WWOX: variants seen among roughly 807,000 people sequenced by gnomAD.
WWOX encodes WW domain-containing oxidoreductase.
Under a neutral mutation model 46.2 loss-of-function variants are expected in WWOX, and 69 were observed. That is an observed-to-expected ratio of 1.49 (90% confidence interval 1.23 to 1.82). WWOX has a LOEUF of 1.82. Among genes scored for constraint, WWOX ranks in the 40% most tolerant of loss-of-function variants. The pLI, the probability that WWOX is intolerant of heterozygous loss-of-function variation, is 0.00. For missense variants in WWOX, 919 were observed against 542.6 expected (o/e 1.69, Z -6.89); for synonymous variants, 359 against 202.6 (o/e 1.77, Z -6.56).
intron 8 of WWOX, among the ~76,000 whole-genome samples, chr16:78,469,650 G>A (rs1016810103): frequency 3.3e-5 from 5 of 152,190 alleles, no homozygotes; most frequent in African/African-American, 7.2e-5. Context: ...TCTGAGTACC[G>A]CGCAGATAGT....
chr16:78,128,792 A>C (rs192123670), intron 4 of WWOX, among the ~76,000 whole-genome samples: 1 of 152,226 alleles, frequency 6.6e-6, no homozygotes, highest in South Asian at 2.1e-4. Context: ...ATGTCTTCCA[A>C]CTGCCTTTGA....
At chr16:79,129,449 A>G (rs1307003379) in intron 8 of WWOX, among the ~76,000 whole-genome samples, 1 of 150,272 alleles carries the variant, frequency 6.7e-6, no homozygotes, top group Non-Finnish European at 1.5e-5. Context: ...TAAAATGTGT[A>G]AAAAGTTTAT....
intron 8 of WWOX, among the ~76,000 whole-genome samples, chr16:79,024,176 G>A (rs1003728825): frequency 3.9e-5 from 6 of 152,162 alleles, no homozygotes; most frequent in Admixed American, 1.3e-4. Flanking sequence ...GAATTAGATC[G>A]TGTTGATGGT....
intron 8 of WWOX, among the ~76,000 whole-genome samples, chr16:78,809,358 A>G (rs2051130013): frequency 6.6e-6 from 1 of 151,836 alleles, no homozygotes; most frequent in Non-Finnish European, 1.5e-5. Context: ...TTCTAGGAAG[A>G]AAAAAGCATT....
At chr16:78,652,201 AGAGATC>A (rs2046980736) in intron 8 of WWOX, among the ~76,000 whole-genome samples, 2 of 151,784 alleles carry the variant, frequency 1.3e-5, no homozygotes, top group Admixed American at 1.3e-4. Context: ...CACGAGGTCA[AGAGATC>A]GAGACCATCC....
At chr16:78,992,272 A>G (rs917831513) in intron 8 of WWOX, among the ~76,000 whole-genome samples, 3 of 150,568 alleles carry the variant, frequency 2.0e-5, no homozygotes, top group Non-Finnish European at 4.4e-5. Flanking sequence ...ATCTGCCTGT[A>G]CAGTGTTCTG....
chr16:78,608,746 G>A (rs1408553716), intron 8 of WWOX, among the ~76,000 whole-genome samples: 1 of 152,196 alleles, frequency 6.6e-6, no homozygotes, highest in Non-Finnish European at 1.5e-5. Flanking sequence ...GAGTACTGCG[G>A]ACCCAGGACA....
intron 8 of WWOX, among the ~76,000 whole-genome samples, chr16:78,436,946 C>T (rs182516608): frequency 5.9e-5 from 9 of 152,186 alleles, no homozygotes; most frequent in South Asian, 4.1e-4. Flanking sequence ...CCATTTCTTC[C>T]GTAGGTAAAG....
At chr16:78,826,844 TG>T (rs2151151789) in intron 8 of WWOX, among the ~76,000 whole-genome samples, 1 of 152,318 alleles carries the variant, frequency 6.6e-6, no homozygotes, top group South Asian at 2.1e-4. Context: ...GTGACAATTC[TG>T]GATTTACTTA....
chr16:79,070,667 A>T (rs1416701148), intron 8 of WWOX, among the ~76,000 whole-genome samples: 1 of 152,190 alleles, frequency 6.6e-6, no homozygotes, highest in Non-Finnish European at 1.5e-5. Context: ...TATGCGAGAG[A>T]TGTCAACAAT....
chr16:79,009,603 A>G (rs2047262884), intron 8 of WWOX, among the ~76,000 whole-genome samples: 1 of 151,962 alleles, frequency 6.6e-6, no homozygotes, highest in Non-Finnish European at 1.5e-5. Flanking sequence ...GGCACATGCC[A>G]CCACACCTGA....
intron 4 of WWOX, chr16:78,123,416 GT>G (rs1250222138): frequency 4.5e-5 from 4 of 88,232 alleles, no homozygotes; most frequent in Admixed American, 2.3e-4. Context: ...GTGACCCTAT[GT>G]TTTTTTCTTT....
intron 8 of WWOX, among the ~76,000 whole-genome samples, chr16:78,654,946 C>T (rs936187818): frequency 4.6e-5 from 7 of 152,054 alleles, no homozygotes; most frequent in Non-Finnish European, 2.9e-5. Flanking sequence ...ATTAATTAAA[C>T]ATTGATCATC....
intron 8 of WWOX, among the ~76,000 whole-genome samples, chr16:78,902,228 A>G (rs1366249788): frequency 2.0e-5 from 3 of 152,146 alleles, no homozygotes; most frequent in Non-Finnish European, 2.9e-5. Flanking sequence ...AGTGTCAACA[A>G]CTTAGCCTGG....
At chr16:79,093,696 C>G (rs1457134743) in intron 8 of WWOX, among the ~76,000 whole-genome samples, 2 of 152,144 alleles carry the variant, frequency 1.3e-5, no homozygotes, top group African/African-American at 2.4e-5. Flanking sequence ...GTGCTTCAGC[C>G]TTTTTGGTAA....
At chr16:78,194,069 G>A (rs1295188571) in intron 5 of WWOX, among the ~76,000 whole-genome samples, 1 of 145,776 alleles carries the variant, frequency 6.9e-6, no homozygotes, top group Non-Finnish European at 1.5e-5. Flanking sequence ...TGGTAGAGAC[G>A]GGGTTTCACT....
At chr16:78,761,728 C>G (rs1236305710) in intron 8 of WWOX, among the ~76,000 whole-genome samples, 1 of 152,202 alleles carries the variant, frequency 6.6e-6, no homozygotes, top group East Asian at 1.9e-4. Context: ...CTACAAGGTC[C>G]TCTTTGAAAT....
intron 8 of WWOX, among the ~76,000 whole-genome samples, chr16:78,967,910 G>A (rs75551198): frequency 0.012 from 1,766 of 152,232 alleles, 30 homozygotes; most frequent in African/African-American, 0.039. Context: ...AGGGAACAGG[G>A]AGACAGGGAG....
chr16:78,992,112 T>C (rs777317528), intron 8 of WWOX, among the ~76,000 whole-genome samples: 35 of 152,280 alleles, frequency 2.3e-4, no homozygotes, highest in Admixed American at 1.0e-3. Context: ...TTACTAAAGA[T>C]GTAGCAATGA....
Sources: gnomAD v4.1 joint callset for allele counts (sites outside exome capture counted in the v4.1 genomes callset) on GRCh38, gnomAD v4.1.1 for gene constraint, MANE v1.5 for transcripts, NCBI Gene and HGNC (gene_info 2026-07-23, HGNC 2026-07-21) for gene names.